IL4: variants seen among roughly 807,000 people sequenced by gnomAD.
IL4 encodes the protein interleukin 4, also known as interleukin-4.
IL4 carries 10 observed loss-of-function variants against 17.4 expected under a neutral mutation model. The ratio of observed to expected loss-of-function variants is 0.57; its 90% CI spans 0.35 to 0.97. The LOEUF (loss-of-function observed/expected upper bound fraction) is 0.97, where lower values mean the gene tolerates loss of function less well. Among genes scored for constraint, IL4 ranks in the 50% least tolerant of loss-of-function variants. The pLI is 0.01. For synonymous variants in IL4, 87 were observed against 79.0 expected (o/e 1.10, Z -0.54); for missense variants, 174 against 187.7 (o/e 0.93, Z 0.43).
In IL4 at chr5:132,679,764, G is replaced by A; in HGVS notation, c.234G>A (p.Gln78=). ...GCAGGGCTGCGACTGTGCTCCGGCA[G>A]TTCTACAGCCACCATGAGAAGGACA... The part of the protein sequence containing the change: ...TFCRAATVLR[Q]FYSHHEKDTR... The change falls in exon 3 of 4, where the codon CAG becomes CAA. Residue 78 remains glutamine, a synonymous_variant. Coordinates refer to ENST00000231449, the MANE Select transcript of IL4 (RefSeq NM_000589.4). 2 of 1,614,178 alleles carry A rather than the reference G, an allele frequency of 1.2e-6. No individual in the cohort carries two copies. Among genetic ancestry groups the A allele is most frequent in the South Asian group, 1.1e-5 (1 of 91,084 alleles).
intron 2 of IL4, among the ~76,000 whole-genome samples, chr5:132,675,241 C>G (rs899061978): frequency 6.6e-6 from 1 of 152,300 alleles, no homozygotes; most frequent in African/African-American, 2.4e-5. Flanking sequence ...ATGACTACAG[C>G]CGTATCAATA....
chr5:132,679,035 A>C (rs917145442), intron 2 of IL4, among the ~76,000 whole-genome samples: 4 of 152,196 alleles, frequency 2.6e-5, no homozygotes, highest in African/African-American at 9.7e-5. Flanking sequence ...GGCTCAGATC[A>C]ATGGCACCTG....
At chr5:132,678,512 A>G (rs1272890526) in intron 2 of IL4, among the ~76,000 whole-genome samples, 1 of 152,206 alleles carries the variant, frequency 6.6e-6, no homozygotes, top group East Asian at 1.9e-4. Context: ...ATCAGAAAAA[A>G]AAATATGTAA....
Position 132,674,020 on chromosome 5 carries a change from T to C in IL4, c.-31T>C. 1.2e-6 allele frequency: 2 copies of C among 1,608,994 alleles called. No individual in the cohort carries two copies. The highest frequency in any genetic ancestry group is 1.1e-5 in the South Asian group (1 of 90,926). On this transcript the variant is annotated 5_prime_UTR_variant, in exon 1 of 4. Transcript: ENST00000231449. ...AGCTTCTCCTGATAAACTAATTGCC[T>C]CACATTGTCACTGCAAATCGACACC...
At chr5:132,681,312 CAAG>C (rs1248568335) in intron 3 of IL4, among the ~76,000 whole-genome samples, 1 of 152,046 alleles carries the variant, frequency 6.6e-6, no homozygotes, top group Non-Finnish European at 1.5e-5. Flanking sequence ...TGAGGACACT[CAAG>C]GAGGGAGGGT....
rs1457765701 is a variant in IL4, at chr5:132,680,874, G to T, written c.360+984G>T. Among the ~76,000 whole-genome samples the T allele has an allele frequency of 6.6e-6, 1 of 152,182 alleles. No homozygotes were observed. The highest frequency in any genetic ancestry group is 1.5e-5 in the Non-Finnish European group (1 of 68,040). ...TTTGCTGACAGATCGGTTGTAGGGG[G>T]TAAGATACAGGGGAGGAAAAGATGA... is the stretch of plus-strand genomic sequence containing the variant. On this transcript the variant is annotated intron_variant, in intron 3 of 3. Coordinates refer to ENST00000231449, the MANE Select transcript of IL4 (RefSeq NM_000589.4). This position sits in a 1 kb window ranked among gnomAD's most constrained non-coding sequence, Gnocchi z 4.3.
chr5:132,674,191 T>C lies in IL4; in HGVS notation c.135+6T>C. 2 of 1,613,614 alleles carry C rather than the reference T, an allele frequency of 1.2e-6. No homozygotes were observed. Among genetic ancestry groups the C allele is most frequent in the Non-Finnish European group, 1.7e-6 (2 of 1,179,530 alleles). On this transcript the variant is annotated splice_donor_region_variant and intron_variant, in intron 1 of 3. Transcript: ENST00000231449. Reference sequence around the variant, plus strand: ...ACAGCCTCACAGAGCAGAAGGTGAGTACCTATCTGGCACCATCTCTCCAGA... The same window carrying C: ...ACAGCCTCACAGAGCAGAAGGTGAGCACCTATCTGGCACCATCTCTCCAGA...
Position 132,674,479 on chromosome 5 carries a change from C to T in IL4, c.156C>T (p.Thr52=), listed in dbSNP as rs535279636. The change falls in exon 2 of 4, where the codon ACC becomes ACT. Residue 52 remains threonine, a synonymous_variant. Transcript: ENST00000231449. ...CCAAGACTCTGTGCACCGAGTTGACCGTAACAGACATCTTTGCTGCCTCCA... is the reference window on the plus strand; with the variant it reads ...CCAAGACTCTGTGCACCGAGTTGACTGTAACAGACATCTTTGCTGCCTCCA... ...TEQKTLCTEL[T]VTDIFAASKN... is the part of the protein sequence containing the mutation. The T allele has an allele frequency of 9.9e-6, 16 of 1,614,062 alleles. No homozygotes were observed. In the East Asian group the frequency reaches 1.1e-4, roughly 11 times the overall value.
intron 2 of IL4, among the ~76,000 whole-genome samples, chr5:132,677,183 A>G (rs1260385987): frequency 6.6e-6 from 1 of 152,372 alleles, no homozygotes; most frequent in African/African-American, 2.4e-5. Flanking sequence ...ATGCAGTGCC[A>G]ATCGGGCTGG....
At chr5:132,675,722 T>C (rs1214087392) in intron 2 of IL4, among the ~76,000 whole-genome samples, 2 of 151,960 alleles carry the variant, frequency 1.3e-5, no homozygotes, top group African/African-American at 2.4e-5. Context: ...CTAATTTTTG[T>C]ATTTTTTTGT....
At chr5:132,679,494 G>A (rs1396023989) in intron 2 of IL4, among the ~76,000 whole-genome samples, 1 of 152,136 alleles carries the variant, frequency 6.6e-6, no homozygotes, top group Non-Finnish European at 1.5e-5. Flanking sequence ...GGAGGTTCTG[G>A]GGAGAAGGCT....
At position 132,680,575 on chromosome 5, in the gene IL4, G is replaced by A. The variant is rs1447698237; in HGVS notation, c.360+685G>A. On this transcript the variant is annotated intron_variant, in intron 3 of 3. Coordinates refer to ENST00000231449, the MANE Select transcript of IL4 (RefSeq NM_000589.4). The surrounding 1 kb of genome is among the most constrained non-coding windows in gnomAD (Gnocchi z 4.3). ...TGTGTGGTAAATAGGCTGAAAGGGG[G>A]AAAGCATAGAAGCAAGATGGCCTGT... Among the ~76,000 whole-genome samples the A allele has an allele frequency of 2.0e-5, 3 of 152,250 alleles. No homozygotes were observed. Among genetic ancestry groups the A allele is most frequent in the African/African-American group, 7.2e-5 (3 of 41,456 alleles).
chr5:132,678,425 C>T (rs1460258725), intron 2 of IL4, among the ~76,000 whole-genome samples: 2 of 152,166 alleles, frequency 1.3e-5, no homozygotes, highest in Non-Finnish European at 2.9e-5. Context: ...CAATAGTTAC[C>T]TCTGGCTGGT....
chr5:132,681,810 AATGGGATAGGTC>A (rs1752493870), intron 3 of IL4, among the ~76,000 whole-genome samples: 1 of 152,288 alleles, frequency 6.6e-6, no homozygotes, highest in Admixed American at 6.5e-5. Context: ...CCTTGTAGAC[AATGGGATAGGTC>A]ATGGGATAGG....
intron 3 of IL4, among the ~76,000 whole-genome samples, chr5:132,682,261 T>C (rs1031821747): frequency 6.6e-6 from 1 of 151,694 alleles, no homozygotes; most frequent in African/African-American, 2.4e-5. Flanking sequence ...CAAAAGCAGA[T>C]AGGTAATGGT....
chr5:132,677,444 G>A (rs900890932), intron 2 of IL4, among the ~76,000 whole-genome samples: 2 of 152,196 alleles, frequency 1.3e-5, no homozygotes, highest in African/African-American at 4.8e-5. Context: ...CCAGGGCCAC[G>A]GCAGGGATGG....
At chr5:132,679,972 C>A in intron 3 of IL4, 82 bp downstream of exon 3, 1 of 1,153,966 alleles carries the variant, frequency 8.7e-7, no homozygotes, top group Non-Finnish European at 1.2e-6. Flanking sequence ...TCCTTAGGAG[C>A]TGCAGCACCC....
intron 2 of IL4, among the ~76,000 whole-genome samples, chr5:132,675,883 A>AGG: frequency 7.7e-6 from 1 of 129,178 alleles, no homozygotes; most frequent in Non-Finnish European, 1.5e-5. Context: ...GTGTGTATAT[A>AGG]TGTGTGTGTG....
Position 132,674,096 on chromosome 5 carries a change from G to A in IL4, c.46G>A (p.Ala16Thr). 1 of 1,614,160 alleles carries A rather than the reference G, an allele frequency of 6.2e-7. No homozygotes were observed. The change falls in exon 1 of 4, where the codon GCA becomes ACA. Residue 16 changes from alanine to threonine, a missense_variant. Ala to Thr is a moderately conservative substitution (Grantham distance 58). Transcript: ENST00000231449. The part of the protein sequence containing the change: ...QLLPPLFFLL[A>T]CAGNFVHGHK... ...GCTTCCCCCTCTGTTCTTCCTGCTA[G>A]CATGTGCCGGCAACTTTGTCCACGG...
Sources: gnomAD v4.1 joint callset for allele counts (sites outside exome capture counted in the v4.1 genomes callset) on GRCh38, gnomAD v4.1.1 for gene constraint, Gnocchi (gnomAD v3.1) non-coding constraint, MANE v1.5 for transcripts, NCBI Gene and HGNC (gene_info 2026-07-23, HGNC 2026-07-21) for gene names.